The following FSCN1 variants were observed in gnomAD, a reference collection of about 807,000 sequenced individuals.
FSCN1 encodes the protein fascin actin-bundling protein 1.
FSCN1 carries 10 observed loss-of-function variants against 39.7 expected under a neutral mutation model. The observed-to-expected ratio is 0.25, with a 90% CI of 0.16 to 0.43. FSCN1 has a LOEUF of 0.43. Among genes scored for constraint, FSCN1 ranks in the 20% least tolerant of loss-of-function variants. The pLI, the probability that FSCN1 is intolerant of heterozygous loss-of-function variation, is 1.00. For synonymous variants in FSCN1, 322 were observed against 320.0 expected (o/e 1.01, Z -0.07); for missense variants, 525 against 723.8 (o/e 0.73, Z 3.15).
rs572747222 is a variant in FSCN1 at position 5,605,122 on chromosome 7, C to T, written c.1280-150C>T. ...CATGTGTCCATCATGGACAGGAGGA[C>T]GTGCGGGCCATAGGGACCCTGGCTC... On this transcript the variant is annotated intron_variant, in intron 4 of 4. Transcript: ENST00000382361. This position sits in a 1 kb window ranked among gnomAD's most constrained non-coding sequence, Gnocchi z 6.9. The T allele has an allele frequency of 4.3e-5, 27 of 627,996 alleles. No homozygotes were observed. In the Admixed American group the frequency reaches 5.1e-4, roughly 12 times the overall value. The allele number at this position is 627,996 out of a possible 1,614,324, so 38.9% of individuals were successfully genotyped here. A position where few individuals can be genotyped will look rare whatever the true frequency, so the allele number is the denominator to read the frequency against.
chr7:5,603,139 C>A lies in FSCN1; in HGVS notation c.833-118C>A. On this transcript the variant is annotated intron_variant, in intron 1 of 4. Coordinates refer to ENST00000382361, the MANE Select transcript of FSCN1 (RefSeq NM_003088.4). This position sits in a 1 kb window ranked among gnomAD's most constrained non-coding sequence, Gnocchi z 8.5. ...ATGTGTGCCACTGTGGGGACTCGGC[C>A]GCCCACCCCACCCCGTGGTGTTACC... 1 of 1,197,384 alleles carries A rather than the reference C, an allele frequency of 8.4e-7. No individual in the cohort carries two copies. The highest frequency in any genetic ancestry group is 1.2e-6 in the Non-Finnish European group (1 of 840,946). The allele number at this position is 1,197,384 out of a possible 1,614,324, so 74.2% of individuals were successfully genotyped here.
chr7:5,594,440 G>A, intron 1 of FSCN1: 1 of 152,496 alleles, frequency 6.6e-6, no homozygotes, highest in South Asian at 2.1e-4. Context: ...CGCGGCCTTT[G>A]TGAGCAGGGG....
chr7:5,601,956 T>A (rs989990389), intron 1 of FSCN1, among the ~76,000 whole-genome samples: 996 of 95,114 alleles, frequency 0.01, 9 homozygotes, highest in African/African-American at 0.04. Context: ...TAAAAAAAAA[T>A]TTTTTTTTTT....
intron 1 of FSCN1, among the ~76,000 whole-genome samples, chr7:5,600,865 A>G (rs1460704004): frequency 2.0e-5 from 3 of 151,166 alleles, no homozygotes; most frequent in African/African-American, 7.3e-5. Context: ...TCACCGTGTT[A>G]GGATGATCTC....
At chr7:5,594,818 C>A (rs1267361377) in intron 1 of FSCN1, 1 of 152,284 alleles carries the variant, frequency 6.6e-6, no homozygotes, top group Non-Finnish European at 1.5e-5. Context: ...CCCCTACCCT[C>A]TGGTGAACCC....
At chr7:5,595,150 G>A (rs145619245) in intron 1 of FSCN1, among the ~76,000 whole-genome samples, 127 of 152,320 alleles carry the variant, frequency 8.3e-4, no homozygotes, top group African/African-American at 2.6e-3. Flanking sequence ...CTTGGAAGGA[G>A]CCCTCCTGAC....
At chr7:5,593,859 C>T in intron 1 of FSCN1, 91 bp downstream of exon 1, 3 of 916,386 alleles carry the variant, frequency 3.3e-6, no homozygotes, top group Non-Finnish European at 4.8e-6. Flanking sequence ...TTCTCGCTCG[C>T]GGCGCCGCTG....
In FSCN1 at chr7:5,592,891, C is replaced by A; in HGVS notation, c.-46C>A. 1 of 1,249,186 alleles carries A rather than the reference C, an allele frequency of 8.0e-7. No individual in the cohort carries two copies. Among genetic ancestry groups the A allele is most frequent in the East Asian group, 2.7e-5 (1 of 37,598 alleles). The allele number at this position is 1,249,186 out of a possible 1,614,324, so 77.4% of individuals were successfully genotyped here. A position where few individuals can be genotyped will look rare whatever the true frequency, so the allele number is the denominator to read the frequency against. On this transcript the variant is annotated 5_prime_UTR_variant, in exon 1 of 5. Transcript: ENST00000382361. This position sits in a 1 kb window ranked among gnomAD's most constrained non-coding sequence, Gnocchi z 5.3. Reference sequence around the variant, plus strand: ...CAGGGGCGCCGCCGCAGGGACCCGCCACCCACCTCCCGGGGCCGCGCAGCG... The same window carrying A: ...CAGGGGCGCCGCCGCAGGGACCCGCAACCCACCTCCCGGGGCCGCGCAGCG...
Position 5,592,872 on chromosome 7 carries a change from C to A in FSCN1, c.-65C>A. ...CGGCAGCCGAACAAAGGAGCAGGGGCGCCGCCGCAGGGACCCGCCACCCAC... is the reference window on the plus strand; with the variant it reads ...CGGCAGCCGAACAAAGGAGCAGGGGAGCCGCCGCAGGGACCCGCCACCCAC... On this transcript the variant is annotated 5_prime_UTR_variant, in exon 1 of 5. Coordinates refer to ENST00000382361, the MANE Select transcript of FSCN1 (RefSeq NM_003088.4). The surrounding 1 kb of genome is among the most constrained non-coding windows in gnomAD (Gnocchi z 5.3). The A allele has an allele frequency of 3.0e-6, 3 of 985,462 alleles. No individual in the cohort carries two copies. The highest frequency in any genetic ancestry group is 4.4e-6 in the Non-Finnish European group (3 of 681,454). The allele number at this position is 985,462 out of a possible 1,614,324, so 61.0% of individuals were successfully genotyped here. A position where few individuals can be genotyped will look rare whatever the true frequency, so the allele number is the denominator to read the frequency against.
rs1362533022 is a variant in FSCN1 at position 5,593,798 on chromosome 7, T to C, written c.832+30T>C. The C allele has an allele frequency of 2.1e-5, 30 of 1,422,434 alleles. No homozygotes were observed. In the East Asian group the frequency reaches 7.0e-4, roughly 33 times the overall value. 88.1% of individuals were successfully genotyped at this position (1,422,434 alleles called of 1,614,324 possible). A position where few individuals can be genotyped will look rare whatever the true frequency, so the allele number is the denominator to read the frequency against. ...GTGGGGACGCTGCCCCCGCCTCTCC[T>C]GGTCCGTGCACAAAGCGCACCCCAC... is the stretch of plus-strand genomic sequence containing the variant. On this transcript the variant is annotated intron_variant, in intron 1 of 4. Coordinates refer to ENST00000382361, the MANE Select transcript of FSCN1 (RefSeq NM_003088.4).
At chr7:5,604,140 G>A (rs753470137) in intron 4 of FSCN1, 110 bp downstream of exon 4, 1 of 967,286 alleles carries the variant, frequency 1.0e-6, no homozygotes, top group Admixed American at 2.4e-5. Context: ...CTTGGCTCAG[G>A]GCCATTCCAG....
At chr7:5,596,322 C>T (rs1054690567) in intron 1 of FSCN1, among the ~76,000 whole-genome samples, 10 of 152,132 alleles carry the variant, frequency 6.6e-5, no homozygotes, top group Admixed American at 6.5e-5. Flanking sequence ...CGGGCGGGCC[C>T]GGTGGGGGCA....
rs753665257 is a variant in FSCN1, at chr7:5,593,517, G to T, written c.581G>T (p.Arg194Leu). 1.2e-6 allele frequency: 2 copies of T among 1,604,472 alleles called. No homozygotes were observed. The highest frequency in any genetic ancestry group is 8.5e-7 in the Non-Finnish European group (1 of 1,177,970). The change falls in exon 1 of 5, where the codon CGC (arginine) becomes CTC (leucine). Residue 194 changes from arginine (R) to leucine (L), a missense_variant. By Grantham distance (102) the Arg-to-Leu change is moderately radical (BLOSUM62 -2). Around this residue, in one of 3 missense-constraint regions of FSCN1, gnomAD observed 246 missense variants for 350.6 expected, o/e 0.70. Coordinates refer to ENST00000382361, the MANE Select transcript of FSCN1 (RefSeq NM_003088.4). The stretch of plus-strand genomic sequence containing the variant: ...TACAGCGTGCAGACCGCCGACCACC[G>T]CTTCCTGCGCCACGACGGGCGCCTG... Reference protein sequence around the residue: ...QRYSVQTADHRFLRHDGRLVA... With the variant: ...QRYSVQTADHLFLRHDGRLVA...
chr7:5,594,000 C>T, intron 1 of FSCN1: 1 of 544,250 alleles, frequency 1.8e-6, no homozygotes, highest in Admixed American at 3.7e-5. Context: ...GGATCATGGG[C>T]TCCCCTAGGC....
chr7:5,600,851 G>T (rs372144614), intron 1 of FSCN1, among the ~76,000 whole-genome samples: 192 of 151,836 alleles, frequency 1.3e-3, no homozygotes, highest in African/African-American at 4.5e-3. Context: ...AATAGAGACG[G>T]GTTTCACCGT....
rs1198356330 is a variant in FSCN1 at position 5,593,632 on chromosome 7, G to A, written c.696G>A (p.Ala232=). ...AFRDCEGRYL[A]PSGPSGTLKA... is the part of the protein sequence containing the mutation. ...GCGACTGCGAGGGCCGTTACCTGGC[G>A]CCGTCGGGGCCCAGCGGCACGCTCA... Residue 232 remains alanine (A), a synonymous_variant, in exon 1 of 5, where the codon GCG becomes GCA. Coordinates refer to ENST00000382361, the MANE Select transcript of FSCN1 (RefSeq NM_003088.4). The A allele has an allele frequency of 5.7e-6, 9 of 1,566,034 alleles. No individual in the cohort carries two copies. Among genetic ancestry groups the A allele is most frequent in the Non-Finnish European group, 7.7e-6 (9 of 1,163,416 alleles).
chr7:5,595,800 T>C (rs993839691), intron 1 of FSCN1, among the ~76,000 whole-genome samples: 1 of 151,920 alleles, frequency 6.6e-6, no homozygotes, highest in Admixed American at 6.6e-5. Context: ...CAGCCTCCCG[T>C]GGGGAAGAAG....
chr7:5,604,134 G>A, intron 4 of FSCN1, 104 bp downstream of exon 4: 1 of 1,109,588 alleles, frequency 9.0e-7, no homozygotes, highest in East Asian at 2.5e-5. Context: ...CCCTGGCTTG[G>A]CTCAGGGCCA....
At position 5,606,443 on chromosome 7, in the gene FSCN1, G is replaced by C. The variant is rs1785934995; in HGVS notation, c.*969G>C. 1 of 151,998 alleles carries C rather than the reference G, an allele frequency of 6.6e-6. No homozygotes were observed. Among genetic ancestry groups the C allele is most frequent in the African/African-American group, 2.4e-5 (1 of 41,394 alleles). The allele number at this position is 151,998 out of a possible 1,614,324, so 9.4% of individuals were successfully genotyped here. On this transcript the variant is annotated 3_prime_UTR_variant, in exon 5 of 5. Coordinates refer to ENST00000382361, the MANE Select transcript of FSCN1 (RefSeq NM_003088.4). The surrounding 1 kb of genome is among the most constrained non-coding windows in gnomAD (Gnocchi z 5.1). ...TGATTGGTGCTCCCTGGGCCTCCCG[G>C]GTGGATGAAGCCAGGCGTCGCCCCC... is the stretch of plus-strand genomic sequence containing the variant.
Sources: gnomAD v4.1 joint callset for allele counts (sites outside exome capture counted in the v4.1 genomes callset) on GRCh38, gnomAD v4.1.1 for gene constraint, gnomAD v4.1.1 regional missense constraint, Gnocchi (gnomAD v3.1) non-coding constraint, MANE v1.5 for transcripts, NCBI Gene and HGNC (gene_info 2026-07-23, HGNC 2026-07-21) for gene names.